The following ENDOV variants were observed in gnomAD, a reference collection of about 807,000 sequenced individuals.
The protein encoded by ENDOV is hEndoV.
Under a neutral mutation model 39.4 loss-of-function variants are expected in ENDOV, and 37 were observed. The observed-to-expected ratio is 0.94, with a 90% CI of 0.72 to 1.23. The LOEUF is 1.23. ENDOV is among the 50% of genes most tolerant of loss of function. ENDOV has a pLI of 0.00. For missense variants in ENDOV, 441 were observed against 375.7 expected (o/e 1.17, Z -1.44); for synonymous variants, 186 against 163.4 (o/e 1.14, Z -1.05).
At chr17:80,427,786 G>A (rs1321411180) in intron 7 of ENDOV, 5 of 1,289,246 alleles carry the variant, frequency 3.9e-6, no homozygotes, top group South Asian at 3.7e-5. Context: ...CACAGGCGCT[G>A]CGGCGCTCCT....
intron 5 of ENDOV, chr17:80,424,289 G>A (rs2082418390): frequency 7.5e-6 from 3 of 399,080 alleles, no homozygotes; most frequent in African/African-American, 4.1e-5. Flanking sequence ...AGTTGATGGG[G>A]ACCTTAGACC....
rs576393432 is a variant in ENDOV, at chr17:80,429,088, G to A, written c.779+428G>A. On this transcript the variant is annotated intron_variant, in intron 8 of 9. Coordinates refer to ENST00000518137, the MANE Select transcript of ENDOV (RefSeq NM_173627.5). ...CTCTTCGAGCCTCAGCTTCCTCATC[G>A]TCGGGATAGGCTCTGTAATTCTTGT... Among the ~76,000 whole-genome samples the A allele has an allele frequency of 1.4e-4, 21 of 152,310 alleles. No individual in the cohort carries two copies. In the East Asian group the frequency reaches 2.7e-3, roughly 20 times the overall value.
chr17:80,427,787 C>T (rs969233659), intron 7 of ENDOV: 2 of 1,289,216 alleles, frequency 1.6e-6, no homozygotes, highest in Non-Finnish European at 2.0e-6. Context: ...ACAGGCGCTG[C>T]GGCGCTCCTG....
chr17:80,434,234 T>C (rs2083480794), intron 9 of ENDOV, among the ~76,000 whole-genome samples: 1 of 152,236 alleles, frequency 6.6e-6, no homozygotes, highest in Non-Finnish European at 1.5e-5. Flanking sequence ...TTCCTTCTCT[T>C]GGCATAATGT....
At position 80,424,216 on chromosome 17, in the gene ENDOV, GTC is replaced by G. The variant is rs1259364598; in HGVS notation, c.516+589_516+590del. The stretch of plus-strand genomic sequence containing the variant: ...GGCAGATTCTGAGAGCAGAGACTGT[GTC>G]TCTCATTCCTCCTAGCTCTCAGGTG... On this transcript the variant is annotated intron_variant, in intron 5 of 9. Transcript: ENST00000518137. The G allele has an allele frequency of 9.3e-5, 37 of 399,460 alleles. No individual in the cohort carries two copies. The East Asian group carries it at 1.2e-3, about 13-fold the overall frequency. The allele number at this position is 399,460 out of a possible 1,614,324, so 24.7% of individuals were successfully genotyped here.
chr17:80,437,585 C>G lies in ENDOV; in HGVS notation c.*1442C>G, dbSNP rs931834026. 6.6e-6 allele frequency: 1 copy of G among 152,502 alleles called. No homozygotes were observed. The highest frequency in any genetic ancestry group is 2.4e-5 in the African/African-American group (1 of 41,460). The allele number at this position is 152,502 out of a possible 1,614,324, so 9.4% of individuals were successfully genotyped here. ...GTGTGCCAGGGGTCTTCAGCCCCGGCTGATGGCCACATGAACCACATGAGG... is the reference window on the plus strand; with the variant it reads ...GTGTGCCAGGGGTCTTCAGCCCCGGGTGATGGCCACATGAACCACATGAGG... On this transcript the variant is annotated 3_prime_UTR_variant, in exon 10 of 10. Transcript: ENST00000518137.
At chr17:80,421,558 T>TC (rs1468601763) in intron 2 of ENDOV, among the ~76,000 whole-genome samples, 1 of 100,906 alleles carries the variant, frequency 9.9e-6, no homozygotes, top group East Asian at 3.2e-4. Flanking sequence ...ACAGACCAGG[T>TC]CCCGGGGGAG....
chr17:80,435,999 C>G, intron 9 of ENDOV, 134 bp from the exon 10 acceptor site: 9 of 964,084 alleles, frequency 9.3e-6, no homozygotes, highest in African/African-American at 1.6e-5. Context: ...AAGCTTTCCT[C>G]CCACCTCGGC....
At chr17:80,422,769 G>A (rs1335060670) in intron 4 of ENDOV, among the ~76,000 whole-genome samples, 2 of 151,964 alleles carry the variant, frequency 1.3e-5, no homozygotes, top group Non-Finnish European at 2.9e-5. Context: ...GCGCGATCTC[G>A]GCTCACTGCA....
chr17:80,415,908 G>C, intron 2 of ENDOV, 87 bp downstream of exon 2: 1 of 1,471,878 alleles, frequency 6.8e-7, no homozygotes, highest in Non-Finnish European at 9.1e-7. Context: ...TGCAAGCGTA[G>C]AACCCGGCTT....
intron 9 of ENDOV, chr17:80,430,204 G>A: frequency 6.8e-7 from 1 of 1,472,786 alleles, no homozygotes; most frequent in South Asian, 1.4e-5. Flanking sequence ...TCTCTATGGG[G>A]GCAAGTGCCA....
At chr17:80,430,490 C>A in intron 9 of ENDOV, 2 of 808,410 alleles carry the variant, frequency 2.5e-6, no homozygotes, top group Non-Finnish European at 3.5e-6. Flanking sequence ...ACCACCTCTG[C>A]CCTGACACGG....
At chr17:80,415,912 C>G in intron 2 of ENDOV, 91 bp downstream of exon 2, 3 of 1,461,628 alleles carry the variant, frequency 2.1e-6, no homozygotes, top group Non-Finnish European at 2.7e-6. Flanking sequence ...AGCGTAGAAC[C>G]CGGCTTCTCG....
chr17:80,428,126 T>C (rs1599434685), intron 7 of ENDOV, among the ~76,000 whole-genome samples: 1 of 152,214 alleles, frequency 6.6e-6, no homozygotes, highest in Non-Finnish European at 1.5e-5. Flanking sequence ...TTGGTGATTC[T>C]GGAGACGGGA....
chr17:80,427,613 G>A (rs1303418024), intron 7 of ENDOV: 2 of 1,162,390 alleles, frequency 1.7e-6, no homozygotes, highest in Non-Finnish European at 2.2e-6. Flanking sequence ...TGTCCTGCAG[G>A]GCTGGCTCTG....
intron 9 of ENDOV, chr17:80,430,418 G>C: frequency 2.1e-6 from 3 of 1,452,518 alleles, no homozygotes; most frequent in Non-Finnish European, 1.8e-6. Context: ...TCTTTACCCT[G>C]AGGTTTACTT....
Position 80,428,668 on chromosome 17 carries a change from C to A in ENDOV, c.779+8C>A. ...CGGGCCACCCACACCGAGGTGAGCA[C>A]CCAGGGAGGCTGGGGCACTAAAGGG... On this transcript the variant is annotated splice_region_variant and intron_variant, in intron 8 of 9. Coordinates refer to ENST00000518137, the MANE Select transcript of ENDOV (RefSeq NM_173627.5). The A allele has an allele frequency of 3.8e-6, 6 of 1,572,720 alleles. No individual in the cohort carries two copies. Among genetic ancestry groups the A allele is most frequent in the East Asian group, 2.3e-5 (1 of 42,732 alleles).
chr17:80,421,813 C>A lies in ENDOV; in HGVS notation c.229-15C>A. 1.3e-6 allele frequency: 2 copies of A among 1,587,342 alleles called. No homozygotes were observed. The highest frequency in any genetic ancestry group is 1.7e-6 in the Non-Finnish European group (2 of 1,167,642). ...GAAGGCTGTGCTTCCCACTGAGCTG[C>A]GTGCCTGGTGTCAGGTGGTGTATGA... On this transcript the variant is annotated splice_polypyrimidine_tract_variant and intron_variant, in intron 2 of 9. Transcript: ENST00000518137.
chr17:80,424,878 A>G (rs930964214), intron 5 of ENDOV, among the ~76,000 whole-genome samples, 154 bp from the exon 6 acceptor site: 1 of 152,110 alleles, frequency 6.6e-6, no homozygotes, highest in African/African-American at 2.4e-5. Flanking sequence ...TCGCTTGAAC[A>G]CGGGAGGCAG....
Sources: allele counts gnomAD v4.1 joint callset (sites outside exome capture counted in the v4.1 genomes callset), GRCh38; gene constraint gnomAD v4.1.1; transcripts MANE v1.5; gene names NCBI Gene and HGNC (gene_info 2026-07-23, HGNC 2026-07-21).